The following MAP7D1 variants were observed in gnomAD, a reference collection of about 807,000 sequenced individuals.
MAP7D1 encodes the protein MAP7 domain-containing protein 1.
In MAP7D1, 30 loss-of-function variants were observed where a neutral mutation model predicts 97.5. That is an observed-to-expected ratio of 0.31 (90% CI 0.23 to 0.42). The LOEUF (loss-of-function observed/expected upper bound fraction) is 0.42, where lower values mean the gene tolerates loss of function less well. Among genes scored for constraint, MAP7D1 ranks in the 10% least tolerant of loss-of-function variants. The pLI is 1.00. For synonymous variants in MAP7D1, 536 were observed against 477.1 expected (o/e 1.12, Z -1.61); for missense variants, 1,184 against 1,179.5 (o/e 1.00, Z -0.06).
At chr1:36,178,624 C>T in intron 10 of MAP7D1, 28 bp downstream of exon 10, 1 of 1,548,004 alleles carries the variant, frequency 6.5e-7, no homozygotes, top group South Asian at 1.2e-5. Context: ...ACTGAGGGGG[C>T]CCTCGTGGGC....
intron 14 of MAP7D1, 45 bp downstream of exon 14, chr1:36,179,602 C>G (rs1644687755): frequency 6.4e-7 from 1 of 1,552,968 alleles, no homozygotes; most frequent in African/African-American, 1.4e-5. Context: ...TGCCATCCTC[C>G]TCCTCCTCCA....
chr1:36,166,284 G>C (rs1203156545), intron 1 of MAP7D1, among the ~76,000 whole-genome samples: 1 of 152,144 alleles, frequency 6.6e-6, no homozygotes, highest in Non-Finnish European at 1.5e-5. Flanking sequence ...AAGAGGTCAG[G>C]ATCCTGGGGA....
In MAP7D1 at chr1:36,167,876, A is replaced by G. The variant is rs531208657; in HGVS notation, c.47-3095A>G. On this transcript the variant is annotated intron_variant, in intron 1 of 16. Transcript: ENST00000474796. ...AGGTGTAGACAAACACCCGCCTACC[A>G]GTTTTCCTTGCAACACCTGCAGCAC... Among the ~76,000 whole-genome samples the G allele has an allele frequency of 1.2e-4, 18 of 152,272 alleles. No homozygotes were observed. In the East Asian group the frequency reaches 3.5e-3, roughly 29 times the overall value.
intron 1 of MAP7D1, among the ~76,000 whole-genome samples, chr1:36,165,124 A>C (rs1644458819): frequency 6.6e-6 from 1 of 152,262 alleles, no homozygotes; most frequent in African/African-American, 2.4e-5. Context: ...AGTTTTATTT[A>C]ATTTTTTTTC....
At chr1:36,179,350 G>A (rs1032148232) in intron 13 of MAP7D1, 35 bp downstream of exon 13, 6 of 1,612,634 alleles carry the variant, frequency 3.7e-6, no homozygotes, top group Non-Finnish European at 4.2e-6. Flanking sequence ...GCTGGGCGTG[G>A]GGGGCAGGGT....
At chr1:36,179,101 G>C (rs925132460) in intron 12 of MAP7D1, 76 bp downstream of exon 12, 17 of 1,518,280 alleles carry the variant, frequency 1.1e-5, no homozygotes, top group Non-Finnish European at 1.5e-5. Flanking sequence ...TGGGCTTAGA[G>C]CGGACAGGAC....
chr1:36,175,118 G>A (rs1218256020), intron 6 of MAP7D1, 110 bp downstream of exon 6: 1 of 712,244 alleles, frequency 1.4e-6, no homozygotes, highest in East Asian at 2.9e-5. Context: ...CATACTCCAG[G>A]TCCCCATCCC....
rs904728341 is a variant in MAP7D1, at chr1:36,173,443, G to C, written c.704G>C (p.Gly235Ala). The C allele has an allele frequency of 1.2e-6, 2 of 1,613,890 alleles. No homozygotes were observed. The highest frequency in any genetic ancestry group is 2.7e-5 in the African/African-American group (2 of 74,940). The change falls in exon 5 of 17, where the codon GGG becomes GCG. Residue 235 changes from glycine (G) to alanine (A), a missense_variant. By Grantham distance (60) the Gly-to-Ala change is moderately conservative. Transcript: ENST00000474796. ...CGGCAGCAGCGCTGGTCCTGGGCAG[G>C]GGCCCTGCACCACAGCTCTCCAGGA... ...EIRQQRWSWAGALHHSSPGHK... is the reference protein window; with the variant it reads ...EIRQQRWSWAAALHHSSPGHK...
At position 36,156,260 on chromosome 1, in the gene MAP7D1, C is replaced by T. The variant is rs548295040; in HGVS notation, c.-158C>T. ...ACCGGCACCTCCGAGACTCGCGGGC[C>T]ACCTGCCTCGACCTTCCCCGGAGCG... is the stretch of plus-strand genomic sequence containing the variant. On this transcript the variant is annotated 5_prime_UTR_variant, in exon 1 of 17. Transcript: ENST00000474796. The T allele has an allele frequency of 9.9e-5, 49 of 497,020 alleles. No individual in the cohort carries two copies. Among genetic ancestry groups the T allele is most frequent in the African/African-American group, 8.1e-4 (40 of 49,278 alleles). The allele number at this position is 497,020 out of a possible 1,614,324, so 30.8% of individuals were successfully genotyped here. A position where few individuals can be genotyped will look rare whatever the true frequency, so the allele number is the denominator to read the frequency against.
Position 36,171,555 on chromosome 1 carries a change from G to T in MAP7D1, c.434G>T (p.Arg145Leu). 1 of 1,614,166 alleles carries T rather than the reference G, an allele frequency of 6.2e-7. No homozygotes were observed. The highest frequency in any genetic ancestry group is 8.5e-7 in the Non-Finnish European group (1 of 1,180,026). The change falls in exon 3 of 17, where the codon CGG becomes CTG. Residue 145 changes from arginine (R) to leucine (L), a missense_variant. Arg to Leu is a moderately radical substitution (Grantham distance 102). Coordinates refer to ENST00000474796, the MANE Select transcript of MAP7D1 (RefSeq NM_001388490.1). ...GAGAGACACAAGCTGGCAAAGGAGC[G>T]GCGAGAAGAGCGGGCCAAGTACCTG... ...AGERHKLAKERREERAKYLAA... is the reference protein window; with the variant it reads ...AGERHKLAKELREERAKYLAA...
At position 36,173,584 on chromosome 1, in the gene MAP7D1, G is replaced by A. The variant is rs532893519; in HGVS notation, c.739+106G>A. The A allele has an allele frequency of 4.5e-5, 35 of 785,366 alleles. No individual in the cohort carries two copies. The African/African-American group carries it at 5.8e-4, about 13-fold the overall frequency. 48.6% of individuals were successfully genotyped at this position (785,366 alleles called of 1,614,324 possible). On this transcript the variant is annotated intron_variant, in intron 5 of 16. Coordinates refer to ENST00000474796, the MANE Select transcript of MAP7D1 (RefSeq NM_001388490.1). ...AAGCTGGTGGCTCCCTGCAGCAGGT[G>A]TGCCTTGCTTTATGTGACTTGTGTC...
Position 36,179,670 on chromosome 1 carries a change from T to C in MAP7D1, c.2232T>C (p.Pro744=). Residue 744 remains proline (P), a synonymous_variant, in exon 15 of 17, where the codon CCT becomes CCC. Coordinates refer to ENST00000474796, the MANE Select transcript of MAP7D1 (RefSeq NM_001388490.1). ...GCCCCTCTTTCCCTGTGACAGAGCC[T>C]GTGAAAGCTGTGGAGGCTCGGTCCC... ...EANANGSSPE[P]VKAVEARSPG... 1 of 1,528,548 alleles carries C rather than the reference T, an allele frequency of 6.5e-7. No homozygotes were observed. 94.7% of individuals were successfully genotyped at this position (1,528,548 alleles called of 1,614,324 possible).
rs1200122043 is a variant in MAP7D1, at chr1:36,178,221, A to C, written c.1708+20A>C. 4.0e-6 allele frequency: 6 copies of C among 1,506,576 alleles called. No homozygotes were observed. The Admixed American group carries it at 8.5e-5, about 21-fold the overall frequency. The allele number at this position is 1,506,576 out of a possible 1,614,324, so 93.3% of individuals were successfully genotyped here. A position where few individuals can be genotyped will look rare whatever the true frequency, so the allele number is the denominator to read the frequency against. ...CTACAGGTAGGAATGAAGAGAGGGG[A>C]GGGGTGGGCCGAGCGAGAGAAGCCA... On this transcript the variant is annotated intron_variant, in intron 9 of 16. Transcript: ENST00000474796.
At chr1:36,178,871 G>A (rs1221046535) in intron 11 of MAP7D1, 48 bp downstream of exon 11, 3 of 1,548,354 alleles carry the variant, frequency 1.9e-6, no homozygotes, top group Non-Finnish European at 2.6e-6. Flanking sequence ...CCGCGGGCCG[G>A]GAGGGAAGGC....
chr1:36,176,332 C>T lies in MAP7D1; in HGVS notation c.984C>T (p.Cys328=). 1 of 1,534,138 alleles carries T rather than the reference C, an allele frequency of 6.5e-7. No individual in the cohort carries two copies. Among genetic ancestry groups the T allele is most frequent in the Non-Finnish European group, 8.8e-7 (1 of 1,142,396 alleles). The change falls in exon 7 of 17, where the codon TGC becomes TGT. Residue 328 remains cysteine, a synonymous_variant. Coordinates refer to ENST00000474796, the MANE Select transcript of MAP7D1 (RefSeq NM_001388490.1). The surrounding 1 kb of genome is among the most constrained non-coding windows in gnomAD (Gnocchi z 6.1). Reference sequence around the variant, plus strand: ...ACGGCCGGGACCAGGGTAGGGGCTGCGACCCTGGGAGAGGCCCCACGTGGG... The same window carrying T: ...ACGGCCGGGACCAGGGTAGGGGCTGTGACCCTGGGAGAGGCCCCACGTGGG... ...PRNGRDQGRG[C]DPGRGPTWGR... is the part of the protein sequence containing the mutation.
chr1:36,161,241 G>A lies in MAP7D1; in HGVS notation c.46+4778G>A, dbSNP rs543463701. ...GCCCTCTCCTAGGGCACTCCCTCTC[G>A]GAGCCGGCTTAGCTCTGTCCAGGCC... On this transcript the variant is annotated intron_variant, in intron 1 of 16. Transcript: ENST00000474796. Among the ~76,000 whole-genome samples the A allele has an allele frequency of 7.9e-5, 12 of 152,342 alleles. No homozygotes were observed. The East Asian group carries it at 1.5e-3, about 20-fold the overall frequency.
Position 36,180,427 on chromosome 1 carries a change from C to G in MAP7D1, c.*169C>G, listed in dbSNP as rs567653406. 6.7e-6 allele frequency: 6 copies of G among 899,548 alleles called. No homozygotes were observed. Among genetic ancestry groups the G allele is most frequent in the Non-Finnish European group, 1.1e-5 (6 of 562,010 alleles). The allele number at this position is 899,548 out of a possible 1,614,324, so 55.7% of individuals were successfully genotyped here. ...CCTTATAGACTGATGTCTCTTTGGC[C>G]GGAGCCAGATCTGCCCCTCAGTGCA... On this transcript the variant is annotated 3_prime_UTR_variant, in exon 17 of 17. Coordinates refer to ENST00000474796, the MANE Select transcript of MAP7D1 (RefSeq NM_001388490.1).
chr1:36,178,126 C>A lies in MAP7D1; in HGVS notation c.1633C>A (p.Pro545Thr), dbSNP rs1009522227. ...NEKESAAPAS[P>T]APSPAPSPTP... ...GAAGGAGTCAGCAGCCCCAGCCTCACCGGCACCTTCGCCGGCGCCCTCGCC... is the reference window on the plus strand; with the variant it reads ...GAAGGAGTCAGCAGCCCCAGCCTCAACGGCACCTTCGCCGGCGCCCTCGCC... The change falls in exon 9 of 17, where the codon CCG becomes ACG. Residue 545 changes from proline (P) to threonine (T), a missense_variant. By Grantham distance (38) the Pro-to-Thr change is conservative. Coordinates refer to ENST00000474796, the MANE Select transcript of MAP7D1 (RefSeq NM_001388490.1). 6.3e-7 allele frequency: 1 copy of A among 1,591,330 alleles called. No individual in the cohort carries two copies. The highest frequency in any genetic ancestry group is 2.3e-5 in the East Asian group (1 of 43,902).
intron 13 of MAP7D1, 86 bp from the exon 14 acceptor site, chr1:36,179,429 C>A (rs1553185867): frequency 6.4e-7 from 1 of 1,568,754 alleles, no homozygotes; most frequent in South Asian, 1.1e-5. Context: ...GCCGCTGCGG[C>A]CCGGGCAAGG....
Sources: allele counts gnomAD v4.1 joint callset (sites outside exome capture counted in the v4.1 genomes callset), GRCh38; gene constraint gnomAD v4.1.1; non-coding constraint Gnocchi (gnomAD v3.1); transcripts MANE v1.5; gene names NCBI Gene and HGNC (gene_info 2026-07-23, HGNC 2026-07-21).